PDE8B: variants seen among roughly 807,000 people sequenced by gnomAD.
PDE8B encodes phosphodiesterase 8B, also known as high affinity cAMP-specific and IBMX-insensitive 3',5'-cyclic phosphodiesterase 8B.
PDE8B carries 26 observed loss-of-function variants against 101.3 expected under a neutral mutation model. That is an observed-to-expected ratio of 0.26 (90% CI 0.19 to 0.36). PDE8B has a LOEUF of 0.36. Ranked by LOEUF, PDE8B falls within the 10% of genes least tolerant of loss-of-function variation. The pLI is 1.00. For synonymous variants in PDE8B, 424 were observed against 429.3 expected (o/e 0.99, Z 0.15); for missense variants, 810 against 1,163.1 (o/e 0.70, Z 4.42).
intron 12 of PDE8B, 48 bp from the exon 13 acceptor site, chr5:77,407,333 C>A: frequency 6.8e-7 from 1 of 1,461,600 alleles, no homozygotes; most frequent in Non-Finnish European, 9.6e-7. Flanking sequence ...TGCACTTAGC[C>A]ACACTGAGCC....
chr5:77,299,398 A>G (rs1425122870), intron 1 of PDE8B, among the ~76,000 whole-genome samples: 5 of 148,936 alleles, frequency 3.4e-5, no homozygotes, highest in African/African-American at 7.4e-5. Context: ...CATTAGGTAT[A>G]TCTCCTAATG....
At chr5:77,224,877 G>A (rs1336779674) in intron 1 of PDE8B, among the ~76,000 whole-genome samples, 3 of 152,070 alleles carry the variant, frequency 2.0e-5, no homozygotes, top group African/African-American at 7.2e-5. Flanking sequence ...CATTCCTGTG[G>A]TATCATTAAC....
At chr5:77,137,194 A>G in the PDE8B span, among the ~76,000 whole-genome samples, 1 of 152,174 alleles carries the variant, frequency 6.6e-6, no homozygotes, top group Non-Finnish European at 1.5e-5. Flanking sequence ...TTTCTCCATC[A>G]TCTTAAGCTG....
chr5:77,102,866 T>C, the PDE8B span, among the ~76,000 whole-genome samples: 19 of 152,278 alleles, frequency 1.2e-4, no homozygotes, highest in African/African-American at 4.6e-4. Context: ...AGAAAGGACT[T>C]GAAGAGACCC....
chr5:77,288,348 G>C (rs1212525197), intron 1 of PDE8B, among the ~76,000 whole-genome samples: 1 of 152,134 alleles, frequency 6.6e-6, no homozygotes, highest in South Asian at 2.1e-4. Flanking sequence ...GCCTTCAGGG[G>C]ATATGGACAC....
chr5:77,157,813 T>G, the PDE8B span, among the ~76,000 whole-genome samples: 4 of 152,198 alleles, frequency 2.6e-5, no homozygotes, highest in Non-Finnish European at 5.9e-5. Context: ...GGTCACCAGG[T>G]TTCTGCCTCC....
intron 10 of PDE8B, 56 bp from the exon 11 acceptor site, chr5:77,400,192 C>A (rs1239498970): frequency 8.6e-7 from 1 of 1,166,300 alleles, no homozygotes; most frequent in Non-Finnish European, 1.3e-6. Flanking sequence ...AGAAATATAG[C>A]AAATGGCATA....
chr5:77,097,730 T>TATACATAC, the PDE8B span, among the ~76,000 whole-genome samples: 1 of 64,798 alleles, frequency 1.5e-5, no homozygotes, highest in East Asian at 5.2e-4. Flanking sequence ...TATATATATA[T>TATACATAC]ATACATACAT....
At chr5:77,286,912 C>G (rs1164804029) in intron 1 of PDE8B, among the ~76,000 whole-genome samples, 1 of 152,166 alleles carries the variant, frequency 6.6e-6, no homozygotes, top group African/African-American at 2.4e-5. Flanking sequence ...GTTAATATCT[C>G]TACCCTTCTT....
chr5:77,318,055 C>CAA (rs55952764), intron 2 of PDE8B, among the ~76,000 whole-genome samples: 4,106 of 55,648 alleles, frequency 0.074, 293 homozygotes, highest in Middle Eastern at 0.15. Flanking sequence ...GACTCCATCT[C>CAA]AAAAAAAAAA....
intron 5 of PDE8B, among the ~76,000 whole-genome samples, chr5:77,335,413 C>T (rs17671296): frequency 0.47 from 71,745 of 151,968 alleles, 17,352 homozygotes; most frequent in African/African-American, 0.55. Context: ...GCTTCCTCTC[C>T]TTCCTTAGCT....
At chr5:77,365,339 A>G (rs1012837888) in intron 10 of PDE8B, among the ~76,000 whole-genome samples, 2 of 152,122 alleles carry the variant, frequency 1.3e-5, no homozygotes, top group Non-Finnish European at 2.9e-5. Context: ...AGTGAATTAG[A>G]TCTGGCGCGA....
At chr5:77,230,803 A>T (rs1753414036) in intron 1 of PDE8B, among the ~76,000 whole-genome samples, 1 of 152,220 alleles carries the variant, frequency 6.6e-6, no homozygotes, top group Non-Finnish European at 1.5e-5. Context: ...AAGAGTTGAG[A>T]ATCACTGCCT....
intron 1 of PDE8B, among the ~76,000 whole-genome samples, chr5:77,243,813 A>G (rs891667390): frequency 2.0e-5 from 3 of 152,174 alleles, no homozygotes; most frequent in Admixed American, 6.5e-5. Context: ...GGACATTTGC[A>G]TACAAGTTTT....
the PDE8B span, among the ~76,000 whole-genome samples, chr5:77,191,116 A>G: frequency 6.6e-6 from 1 of 152,062 alleles, no homozygotes; most frequent in African/African-American, 2.4e-5. Context: ...AGAGAGCTCT[A>G]TGGTGTCTCT....
At chr5:77,297,818 C>T (rs893232912) in intron 1 of PDE8B, among the ~76,000 whole-genome samples, 2 of 152,186 alleles carry the variant, frequency 1.3e-5, no homozygotes, top group East Asian at 1.9e-4. Flanking sequence ...CAAAAATGCT[C>T]CTTCCATCGG....
the PDE8B span, among the ~76,000 whole-genome samples, chr5:77,202,161 A>G: frequency 8.5e-5 from 13 of 152,356 alleles, no homozygotes; most frequent in South Asian, 2.1e-4. Flanking sequence ...GGAGGCCACA[A>G]TTCAGTACAG....
the PDE8B span, among the ~76,000 whole-genome samples, chr5:77,203,917 G>A: frequency 2.0e-5 from 3 of 151,972 alleles, no homozygotes; most frequent in Admixed American, 6.5e-5. Context: ...TTAGAAACCT[G>A]AACTTTAAAA....
chr5:77,362,451 T>C (rs1315181569), intron 10 of PDE8B, among the ~76,000 whole-genome samples: 1 of 152,236 alleles, frequency 6.6e-6, no homozygotes, highest in African/African-American at 2.4e-5. Context: ...GGCCATATGC[T>C]AAATTATGGC....
Sources: gnomAD v4.1 joint callset for allele counts (sites outside exome capture counted in the v4.1 genomes callset) on GRCh38, gnomAD v4.1.1 for gene constraint, MANE v1.5 for transcripts, NCBI Gene and HGNC (gene_info 2026-07-23, HGNC 2026-07-21) for gene names.